The following C1orf21 variants were observed in gnomAD, a reference collection of about 807,000 sequenced individuals.
C1orf21 encodes chromosome 1 open reading frame 21, also known as uncharacterized protein C1orf21.
C1orf21 carries 3 observed loss-of-function variants against 18.7 expected under a neutral mutation model. The ratio of observed to expected loss-of-function variants is 0.16; its 90% CI spans 0.07 to 0.42. The LOEUF (loss-of-function observed/expected upper bound fraction) is 0.42, where lower values mean the gene tolerates loss of function less well. Among genes scored for constraint, C1orf21 ranks in the 10% least tolerant of loss-of-function variants. The pLI is 0.99. For missense variants in C1orf21, 104 were observed against 143.6 expected, an observed-to-expected ratio of 0.72 and a Z score of 1.41; for synonymous variants, 41 against 46.4, an observed-to-expected ratio of 0.88 and a Z score of 0.47.
At position 184,422,217 on chromosome 1, in the gene C1orf21, C is replaced by T. The variant is rs551466601; in HGVS notation, c.-125+34849C>T. Among the ~76,000 whole-genome samples, 67 of 152,318 alleles carry T rather than the reference C, an allele frequency of 4.4e-4. 1 individual carries two copies. The highest frequency in any genetic ancestry group is 4.1e-3 in the South Asian group (20 of 4,826). On this transcript the variant is annotated intron_variant, in intron 1 of 5. Coordinates refer to ENST00000235307, the MANE Select transcript of C1orf21 (RefSeq NM_030806.4). ...TCCCGTTGCTGATCCTATCCTCTCC[C>T]GCTCATTTCCCTTTCGAAACTCAGC...
intron 1 of C1orf21, among the ~76,000 whole-genome samples, chr1:184,414,059 A>G (rs1273323329): frequency 6.6e-6 from 1 of 152,226 alleles, no homozygotes; most frequent in Non-Finnish European, 1.5e-5. Context: ...GTGTGCCTTG[A>G]GAACTGCAGA....
chr1:184,434,319 A>G (rs907499936), intron 1 of C1orf21, among the ~76,000 whole-genome samples: 68 of 151,708 alleles, frequency 4.5e-4, no homozygotes, highest in Non-Finnish European at 3.8e-4. Context: ...TCCTGACTTT[A>G]CTCTGTCAGG....
chr1:184,450,500 TATG>T (rs973757151), intron 1 of C1orf21, among the ~76,000 whole-genome samples: 20 of 152,176 alleles, frequency 1.3e-4, no homozygotes, highest in Admixed American at 1.2e-3. Context: ...CTGTGAGCTT[TATG>T]ATGACAGGTA....
chr1:184,416,248 T>C (rs1388805086), intron 1 of C1orf21, among the ~76,000 whole-genome samples: 1 of 152,222 alleles, frequency 6.6e-6, no homozygotes, highest in African/African-American at 2.4e-5. Flanking sequence ...CTTTTACTCA[T>C]TCAGTAATTT....
intron 1 of C1orf21, among the ~76,000 whole-genome samples, chr1:184,417,397 C>G (rs1385440329): frequency 1.3e-5 from 2 of 152,170 alleles, no homozygotes; most frequent in Non-Finnish European, 2.9e-5. Flanking sequence ...CTCAGAGTAG[C>G]TACGGAATGC....
chr1:184,462,964 C>A (rs1657329892), intron 1 of C1orf21, among the ~76,000 whole-genome samples: 1 of 151,792 alleles, frequency 6.6e-6, no homozygotes, highest in South Asian at 2.1e-4. Context: ...TGCCTGTAAT[C>A]CCATTTACTT....
chr1:184,596,861 A>G (rs1408306451), intron 4 of C1orf21, among the ~76,000 whole-genome samples: 1 of 143,786 alleles, frequency 7.0e-6, no homozygotes, highest in African/African-American at 2.7e-5. Context: ...AAAGTGCGAG[A>G]CGACTCTGTC....
intron 1 of C1orf21, among the ~76,000 whole-genome samples, chr1:184,445,132 A>G (rs1657009143): frequency 6.6e-6 from 1 of 152,036 alleles, no homozygotes; most frequent in African/African-American, 2.4e-5. Flanking sequence ...AAAACTTAAT[A>G]TGTTGCCCTT....
At chr1:184,493,173 G>A (rs186821473) in intron 2 of C1orf21, among the ~76,000 whole-genome samples, 2 of 152,240 alleles carry the variant, frequency 1.3e-5, no homozygotes, top group African/African-American at 4.8e-5. Flanking sequence ...TTTTTTAAAG[G>A]TTACATAATT....
intron 1 of C1orf21, among the ~76,000 whole-genome samples, chr1:184,469,024 C>G (rs1277662557): frequency 6.6e-6 from 1 of 151,964 alleles, no homozygotes; most frequent in African/African-American, 2.4e-5. Flanking sequence ...CACTTGAGGT[C>G]AAGAGTTCAA....
At position 184,425,741 on chromosome 1, in the gene C1orf21, A is replaced by G. The variant is rs138438427; in HGVS notation, c.-125+38373A>G. 3.0e-3 allele frequency among the ~76,000 whole-genome samples: 459 copies of G among 152,294 alleles called. 1 individual carries two copies. The highest frequency in any genetic ancestry group is 5.4e-3 in the Non-Finnish European group (366 of 68,022). On this transcript the variant is annotated intron_variant, in intron 1 of 5. Coordinates refer to ENST00000235307, the MANE Select transcript of C1orf21 (RefSeq NM_030806.4). ...CTTGAAAGGGCAAGGTCAGAGGCCAATTTTGAAAAACCTTTCCTTACTTGC... is the reference window on the plus strand; with the variant it reads ...CTTGAAAGGGCAAGGTCAGAGGCCAGTTTTGAAAAACCTTTCCTTACTTGC...
chr1:184,583,742 T>A (rs1659314340), intron 3 of C1orf21, among the ~76,000 whole-genome samples: 1 of 152,222 alleles, frequency 6.6e-6, no homozygotes, highest in South Asian at 2.1e-4. Context: ...GAAACTCTAT[T>A]TTAACACACA....
In C1orf21 at chr1:184,623,366, G is replaced by T. The variant is rs1364196316; in HGVS notation, c.*3810G>T. On this transcript the variant is annotated 3_prime_UTR_variant, in exon 6 of 6. Transcript: ENST00000235307. ...CTTCCTGCCTCCCCTAAAGAAAAAG[G>T]ATATTAGATTGCACACTATAATTTT... 1 of 150,508 alleles carries T rather than the reference G, an allele frequency of 6.6e-6. No individual in the cohort carries two copies. Among genetic ancestry groups the T allele is most frequent in the African/African-American group, 2.5e-5 (1 of 39,884 alleles). 9.3% of individuals were successfully genotyped at this position (150,508 alleles called of 1,614,324 possible).
At chr1:184,495,166 C>T (rs964541829) in intron 2 of C1orf21, among the ~76,000 whole-genome samples, 3 of 152,194 alleles carry the variant, frequency 2.0e-5, no homozygotes, top group African/African-American at 4.8e-5. Context: ...TTTCTACTCT[C>T]GCCTCCCTTC....
intron 1 of C1orf21, among the ~76,000 whole-genome samples, chr1:184,474,120 G>A (rs776767852): frequency 6.6e-6 from 1 of 152,154 alleles, no homozygotes; most frequent in African/African-American, 2.4e-5. Context: ...ACCTTCAAAT[G>A]AGTAAATTAC....
rs554074482 is a variant in C1orf21 at position 184,474,171 on chromosome 1, C to T, written c.-124-3215C>T. 6.2e-4 allele frequency among the ~76,000 whole-genome samples: 94 copies of T among 152,294 alleles called. 4 individuals are homozygous for T. The South Asian group carries it at 0.019, about 31-fold the overall frequency. ...ATGAGGTCCTGAAACTTGAAAGCAT[C>T]ACTCTTAAATTTGAATTACTGCTAT... On this transcript the variant is annotated intron_variant, in intron 1 of 5. Coordinates refer to ENST00000235307, the MANE Select transcript of C1orf21 (RefSeq NM_030806.4).
chr1:184,537,302 C>G (rs903933496), intron 3 of C1orf21, among the ~76,000 whole-genome samples: 18 of 152,162 alleles, frequency 1.2e-4, no homozygotes, highest in African/African-American at 4.1e-4. Flanking sequence ...TCCTCCTTCC[C>G]CACTGTCCCT....
chr1:184,445,895 T>C (rs1657022702), intron 1 of C1orf21, among the ~76,000 whole-genome samples: 1 of 152,186 alleles, frequency 6.6e-6, no homozygotes, highest in African/African-American at 2.4e-5. Context: ...ATTAACATAA[T>C]ATTATTGGCT....
At chr1:184,493,849 G>A (rs980488150) in intron 2 of C1orf21, among the ~76,000 whole-genome samples, 1 of 152,106 alleles carries the variant, frequency 6.6e-6, no homozygotes, top group Non-Finnish European at 1.5e-5. Flanking sequence ...TGATGCAATT[G>A]TTAAATGGCC....
Sources: gnomAD v4.1 joint callset for allele counts (sites outside exome capture counted in the v4.1 genomes callset) on GRCh38, gnomAD v4.1.1 for gene constraint, MANE v1.5 for transcripts, NCBI Gene and HGNC (gene_info 2026-07-23, HGNC 2026-07-21) for gene names.